Variants in MYO3A observed in about 807,000 individuals in gnomAD.
MYO3A encodes myosin IIIA, also known as myosin-IIIa.
In MYO3A, 180 loss-of-function variants were observed where a neutral mutation model predicts 192.7. The observed-to-expected ratio is 0.93, with a 90% CI of 0.83 to 1.06. The LOEUF (loss-of-function observed/expected upper bound fraction) is 1.06. MYO3A is among the 50% of genes least tolerant of loss of function. MYO3A has a pLI of 0.00. For synonymous variants in MYO3A, 628 were observed against 645.3 expected (o/e 0.97, Z 0.41); for missense variants, 1,896 against 1,905.0 (o/e 1.00, Z 0.09).
chr10:26,037,594 G>T (rs1220026481), intron 10 of MYO3A, among the ~76,000 whole-genome samples: 2 of 152,108 alleles, frequency 1.3e-5, no homozygotes, highest in East Asian at 3.9e-4. Flanking sequence ...TGAAGAGATT[G>T]TCTTTTCCCC....
chr10:26,016,131 G>C (rs544079550), intron 6 of MYO3A, among the ~76,000 whole-genome samples: 1 of 152,140 alleles, frequency 6.6e-6, no homozygotes, highest in Non-Finnish European at 1.5e-5. Context: ...TAATTCTCTT[G>C]AAGGTCAGTT....
intron 18 of MYO3A, 49 bp from the exon 19 acceptor site, chr10:26,125,349 G>C (rs775452318): frequency 1.3e-6 from 2 of 1,551,320 alleles, no homozygotes; most frequent in Non-Finnish European, 1.8e-6. Flanking sequence ...TTTGGGGAGT[G>C]ACCTCATTGC....
intron 20 of MYO3A, among the ~76,000 whole-genome samples, chr10:26,141,781 C>T (rs1034012584): frequency 2.0e-5 from 3 of 152,166 alleles, no homozygotes; most frequent in Non-Finnish European, 4.4e-5. Flanking sequence ...AAGCTAAATG[C>T]CTTTCAGGTT....
intron 17 of MYO3A, among the ~76,000 whole-genome samples, chr10:26,107,000 T>TCAC (rs1837850252): frequency 6.6e-6 from 1 of 152,126 alleles, no homozygotes; most frequent in Non-Finnish European, 1.5e-5. Flanking sequence ...TTCTTTGGCC[T>TCAC]ATGTGAGTTA....
intron 29 of MYO3A, among the ~76,000 whole-genome samples, chr10:26,173,048 T>A (rs1440288998): frequency 7.0e-6 from 1 of 142,210 alleles, no homozygotes; most frequent in Non-Finnish European, 1.5e-5. Context: ...GGTTTTGCCT[T>A]TGGCTAGAAA....
At chr10:26,075,762 T>A (rs1417202324) in intron 14 of MYO3A, among the ~76,000 whole-genome samples, 2 of 147,068 alleles carry the variant, frequency 1.4e-5, no homozygotes, top group Non-Finnish European at 3.0e-5. Context: ...TATATATATG[T>A]CTCTCTCATA....
At chr10:26,157,584 A>G in intron 26 of MYO3A, 69 bp downstream of exon 26, 1 of 1,519,992 alleles carries the variant, frequency 6.6e-7, no homozygotes, top group Non-Finnish European at 9.1e-7. Flanking sequence ...AATTATAAGA[A>G]ACATAATATG....
chr10:26,073,003 A>G (rs894960239), intron 14 of MYO3A, among the ~76,000 whole-genome samples: 2 of 152,322 alleles, frequency 1.3e-5, no homozygotes, highest in Admixed American at 6.5e-5. Context: ...ATAAAAAGGA[A>G]TAAACATTGA....
At chr10:26,157,859 G>C (rs1231096792) in intron 26 of MYO3A, among the ~76,000 whole-genome samples, 1 of 152,172 alleles carries the variant, frequency 6.6e-6, no homozygotes, top group East Asian at 1.9e-4. Flanking sequence ...CCCCTCAAAA[G>C]ACACTTGGCA....
At chr10:25,950,051 A>G (rs1164198360) in intron 2 of MYO3A, among the ~76,000 whole-genome samples, 4 of 152,136 alleles carry the variant, frequency 2.6e-5, no homozygotes, top group Admixed American at 1.3e-4. Flanking sequence ...CCATACCCTC[A>G]TGTAGCTTAC....
At chr10:25,974,270 C>G (rs9664363) in intron 4 of MYO3A, among the ~76,000 whole-genome samples, 64,650 of 152,036 alleles carry the variant, frequency 0.43, 15,079 homozygotes, top group East Asian at 0.62. Flanking sequence ...ACATTCTGCA[C>G]ATGTATCCCG....
intron 14 of MYO3A, among the ~76,000 whole-genome samples, chr10:26,083,236 G>A (rs1027322093): frequency 6.6e-6 from 1 of 152,204 alleles, no homozygotes; most frequent in African/African-American, 2.4e-5. Context: ...ACTAAGTTGG[G>A]TAACAGGTGG....
intron 2 of MYO3A, among the ~76,000 whole-genome samples, chr10:25,943,190 C>T (rs1836611938): frequency 6.6e-6 from 1 of 152,056 alleles, no homozygotes; most frequent in Admixed American, 6.5e-5. Context: ...GTTAACAAGA[C>T]TGTTTTTTCC....
At chr10:26,000,016 C>T (rs1840690085) in intron 6 of MYO3A, among the ~76,000 whole-genome samples, 1 of 152,132 alleles carries the variant, frequency 6.6e-6, no homozygotes, top group African/African-American at 2.4e-5. Context: ...TCCTAATCTC[C>T]TTCCTTTCCT....
chr10:25,985,303 A>G lies in MYO3A; in HGVS notation c.304-11187A>G, dbSNP rs546712651. ...TATACAATCTAAAGTCACACCTCAC[A>G]GAACTGGAGAAGCAAAAACAATCCA... On this transcript the variant is annotated intron_variant, in intron 4 of 34. Coordinates refer to ENST00000642920, the MANE Select transcript of MYO3A (RefSeq NM_017433.5). Among the ~76,000 whole-genome samples the G allele has an allele frequency of 2.6e-5, 4 of 152,090 alleles. No individual in the cohort carries two copies. The South Asian group carries it at 8.3e-4, about 32-fold the overall frequency.
At chr10:26,184,064 G>A (rs1842750461) in intron 31 of MYO3A, among the ~76,000 whole-genome samples, 1 of 152,206 alleles carries the variant, frequency 6.6e-6, no homozygotes, top group Non-Finnish European at 1.5e-5. Flanking sequence ...AATAAAAAGA[G>A]AGAGAGAATT....
At chr10:25,962,710 G>A (rs868437900) in intron 4 of MYO3A, among the ~76,000 whole-genome samples, 7 of 152,262 alleles carry the variant, frequency 4.6e-5, no homozygotes, top group Middle Eastern at 6.8e-3. Context: ...AGTATCAAGC[G>A]TGGAGGGGAG....
chr10:26,028,979 T>C (rs966457499), intron 10 of MYO3A, among the ~76,000 whole-genome samples: 1 of 152,222 alleles, frequency 6.6e-6, no homozygotes, highest in African/African-American at 2.4e-5. Flanking sequence ...GGACACCAGA[T>C]AAGATTTCCA....
rs777162777 is a variant in MYO3A at position 26,174,005 on chromosome 10, G to A, written c.3741G>A (p.Glu1247=). Residue 1247 remains glutamate (E), a synonymous_variant, in exon 30 of 35, where the codon GAG becomes GAA. Coordinates refer to ENST00000642920, the MANE Select transcript of MYO3A (RefSeq NM_017433.5). ...GTTACTATCAGAGGTACACAGAGGA[G>A]AGGAATTGTGAAGAGTCAAAAGCAG... ...IQSYYQRYTE[E]RNCEESKAAY... The A allele has an allele frequency of 6.2e-7, 1 of 1,611,286 alleles. No individual in the cohort carries two copies. The highest frequency in any genetic ancestry group is 8.5e-7 in the Non-Finnish European group (1 of 1,179,296).
Sources: allele counts gnomAD v4.1 joint callset (sites outside exome capture counted in the v4.1 genomes callset), GRCh38; gene constraint gnomAD v4.1.1; transcripts MANE v1.5; gene names NCBI Gene and HGNC (gene_info 2026-07-23, HGNC 2026-07-21).